Variants in PELI2 observed in about 807,000 individuals in gnomAD.
The protein encoded by PELI2 is pellino E3 ubiquitin protein ligase family member 2.
In PELI2, 23 loss-of-function variants were observed where a neutral mutation model predicts 42.3. That is an observed-to-expected ratio of 0.54 (90% CI 0.39 to 0.77). PELI2 has a LOEUF of 0.77. PELI2 is among the 30% of genes least tolerant of loss of function. The pLI, the probability that PELI2 is intolerant of heterozygous loss-of-function variation, is 0.00. For synonymous variants in PELI2, 245 were observed against 212.2 expected (o/e 1.15, Z -1.34); for missense variants, 463 against 553.2 (o/e 0.84, Z 1.64).
rs964336356 is a variant in PELI2 at position 56,219,101 on chromosome 14, C to T, written c.207+40637C>T. ...ACAGAACCCTAGGAAGGGAAGGTAGCTTCAAATACAAGCCATTTTAAGTAT... is the reference window on the plus strand; with the variant it reads ...ACAGAACCCTAGGAAGGGAAGGTAGTTTCAAATACAAGCCATTTTAAGTAT... On this transcript the variant is annotated intron_variant, in intron 2 of 5. Transcript: ENST00000267460. The surrounding 1 kb of genome is among the most constrained non-coding windows in gnomAD (Gnocchi z 4.1). Among the ~76,000 whole-genome samples the T allele has an allele frequency of 1.3e-5, 2 of 152,072 alleles. No homozygotes were observed. Among genetic ancestry groups the T allele is most frequent in the African/African-American group, 4.8e-5 (2 of 41,392 alleles).
rs374675973 is a variant in PELI2 at position 56,296,785 on chromosome 14, C to T, written c.882C>T (p.Pro294=). The part of the protein sequence containing the change: ...CPVGLNTLAF[P]SINRKEVVEE... ...TGGGGCTCAACACCCTGGCCTTCCC[C>T]AGCATCAACAGGAAAGAGGTGGTGG... The change falls in exon 6 of 6, where the codon CCC becomes CCT. Residue 294 remains proline, a synonymous_variant. Coordinates refer to ENST00000267460, the MANE Select transcript of PELI2 (RefSeq NM_021255.3). The T allele has an allele frequency of 1.3e-5, 21 of 1,613,998 alleles. No individual in the cohort carries two copies. In the African/African-American group the frequency reaches 2.8e-4, roughly 22 times the overall value.
At chr14:56,130,630 A>G (rs890645063) in intron 1 of PELI2, among the ~76,000 whole-genome samples, 1 of 152,090 alleles carries the variant, frequency 6.6e-6, no homozygotes. Context: ...TTGTGCTCCT[A>G]GTATGTTTTC....
At position 56,288,877 on chromosome 14, in the gene PELI2, A is replaced by T. The variant is rs1889731300; in HGVS notation, c.507+243A>T. On this transcript the variant is annotated intron_variant, in intron 4 of 5. Coordinates refer to ENST00000267460, the MANE Select transcript of PELI2 (RefSeq NM_021255.3). The surrounding 1 kb of genome is among the most constrained non-coding windows in gnomAD (Gnocchi z 4.6). ...TTACAGTAAGTACTTTTTTTAAAGT[A>T]TGCCTATAACATTGTCCATAATGTA... Among the ~76,000 whole-genome samples, 1 of 152,230 alleles carries T rather than the reference A, an allele frequency of 6.6e-6. No individual in the cohort carries two copies. The highest frequency in any genetic ancestry group is 1.5e-5 in the Non-Finnish European group (1 of 68,052).
rs1017098871 is a variant in PELI2 at position 56,224,895 on chromosome 14, C to A, written c.207+46431C>A. Among the ~76,000 whole-genome samples, 7 of 152,206 alleles carry A rather than the reference C, an allele frequency of 4.6e-5. 1 individual carries two copies. The South Asian group carries it at 1.2e-3, about 27-fold the overall frequency. ...CTGCCTCAGCTCCCTTCTCTGGGTC[C>A]CCTCCTATTTGGTACATAATCCTGC... On this transcript the variant is annotated intron_variant, in intron 2 of 5. Coordinates refer to ENST00000267460, the MANE Select transcript of PELI2 (RefSeq NM_021255.3).
At position 56,184,085 on chromosome 14, in the gene PELI2, C is replaced by A. The variant is rs551520500; in HGVS notation, c.207+5621C>A. On this transcript the variant is annotated intron_variant, in intron 2 of 5. Coordinates refer to ENST00000267460, the MANE Select transcript of PELI2 (RefSeq NM_021255.3). ...AGAGAATTAAATAACATATTTGAGA[C>A]CTTGGAATTGAGATGACTGTTTGGA... 1.7e-4 allele frequency among the ~76,000 whole-genome samples: 26 copies of A among 151,950 alleles called. No individual in the cohort carries two copies. The South Asian group carries it at 5.2e-3, about 30-fold the overall frequency.
chr14:56,202,413 T>G (rs1886361736), intron 2 of PELI2, among the ~76,000 whole-genome samples: 1 of 151,106 alleles, frequency 6.6e-6, no homozygotes, highest in African/African-American at 2.4e-5. Flanking sequence ...GTGAAAGCCC[T>G]CCTTGGCCCA....
chr14:56,195,346 C>T (rs1190370958), intron 2 of PELI2, among the ~76,000 whole-genome samples: 2 of 152,114 alleles, frequency 1.3e-5, no homozygotes, highest in African/African-American at 2.4e-5. Context: ...CTAGTAGGGA[C>T]GTGGGCATGG....
chr14:56,210,151 A>G (rs1359002954), intron 2 of PELI2, among the ~76,000 whole-genome samples: 2 of 152,134 alleles, frequency 1.3e-5, no homozygotes, highest in African/African-American at 4.8e-5. Flanking sequence ...CAAAGTATTT[A>G]GGAGTGAAAT....
intron 2 of PELI2, among the ~76,000 whole-genome samples, chr14:56,231,885 G>C (rs1490472458): frequency 1.3e-5 from 2 of 151,998 alleles, no homozygotes; most frequent in Admixed American, 1.3e-4. Context: ...GAAGAAAAGA[G>C]AGAAGAATCA....
chr14:56,276,025 C>T (rs1221722970), intron 2 of PELI2, among the ~76,000 whole-genome samples: 1 of 152,120 alleles, frequency 6.6e-6, no homozygotes, highest in African/African-American at 2.4e-5. Flanking sequence ...AAATGATTGG[C>T]TCAAGTCAGT....
At chr14:56,159,440 T>C (rs1427305871) in intron 1 of PELI2, among the ~76,000 whole-genome samples, 2 of 152,194 alleles carry the variant, frequency 1.3e-5, no homozygotes, top group Non-Finnish European at 2.9e-5. Flanking sequence ...AAATTATTAA[T>C]TGGTAAAATA....
At chr14:56,243,170 A>AGG (rs1888036564) in intron 2 of PELI2, among the ~76,000 whole-genome samples, 1 of 152,206 alleles carries the variant, frequency 6.6e-6, no homozygotes, top group South Asian at 2.1e-4. Context: ...AAGAAAATGA[A>AGG]GGGAGTAACT....
intron 2 of PELI2, among the ~76,000 whole-genome samples, chr14:56,179,796 C>T (rs1018122911): frequency 5.3e-5 from 8 of 152,240 alleles, no homozygotes; most frequent in African/African-American, 1.9e-4. Flanking sequence ...ATGTGATGAG[C>T]ACCAGAAATG....
At chr14:56,156,815 A>G (rs1202178897) in intron 1 of PELI2, among the ~76,000 whole-genome samples, 1 of 152,216 alleles carries the variant, frequency 6.6e-6, no homozygotes. Flanking sequence ...CTATACAATG[A>G]ATCATTATAC....
chr14:56,292,503 T>C (rs1314640249), intron 5 of PELI2, among the ~76,000 whole-genome samples: 1 of 152,206 alleles, frequency 6.6e-6, no homozygotes, highest in East Asian at 1.9e-4. Context: ...TTGGAGACAG[T>C]CTCTGGCAGT....
At chr14:56,141,768 C>T (rs1883915335) in intron 1 of PELI2, among the ~76,000 whole-genome samples, 1 of 152,176 alleles carries the variant, frequency 6.6e-6, no homozygotes, top group South Asian at 2.1e-4. Flanking sequence ...ATTCAGTTAT[C>T]TCCACCTGGT....
intron 2 of PELI2, among the ~76,000 whole-genome samples, chr14:56,237,979 A>C (rs1431705367): frequency 6.6e-6 from 1 of 152,162 alleles, no homozygotes; most frequent in African/African-American, 2.4e-5. Flanking sequence ...ATGTCTTTAA[A>C]AAAAGATAAA....
intron 2 of PELI2, among the ~76,000 whole-genome samples, chr14:56,205,805 AC>A (rs1322862697): frequency 6.6e-6 from 1 of 152,012 alleles, no homozygotes; most frequent in Non-Finnish European, 1.5e-5. Flanking sequence ...CACACACCTG[AC>A]CCTGCACTGG....
At chr14:56,214,317 C>G (rs937967609) in intron 2 of PELI2, among the ~76,000 whole-genome samples, 5 of 152,084 alleles carry the variant, frequency 3.3e-5, no homozygotes, top group Non-Finnish European at 5.9e-5. Context: ...AGTGGCCTTA[C>G]AGGATGATTT....
Sources: allele counts gnomAD v4.1 joint callset (sites outside exome capture counted in the v4.1 genomes callset), GRCh38; gene constraint gnomAD v4.1.1; non-coding constraint Gnocchi (gnomAD v3.1); transcripts MANE v1.5; gene names NCBI Gene and HGNC (gene_info 2026-07-23, HGNC 2026-07-21).